The following PKNOX2 variants were observed in gnomAD, a reference collection of about 807,000 sequenced individuals.
PKNOX2 encodes the protein PBX/knotted 1 homeobox 2, also known as homeobox protein PKNOX2.
In PKNOX2, 14 loss-of-function variants were observed where a neutral mutation model predicts 53.1. The ratio of observed to expected loss-of-function variants is 0.26; its 90% confidence interval spans 0.17 to 0.41. The LOEUF (loss-of-function observed/expected upper bound fraction) is 0.41, where lower values mean the gene tolerates loss of function less well. Ranked by LOEUF, PKNOX2 falls within the 10% of genes least tolerant of loss-of-function variation. PKNOX2 has a pLI of 1.00. For missense variants in PKNOX2, 496 were observed against 602.8 expected, an observed-to-expected ratio of 0.82 and a Z score of 1.85; for synonymous variants, 257 against 242.8, an observed-to-expected ratio of 1.06 and a Z score of -0.54.
chr11:125,195,431 G>A (rs1957119451), intron 1 of PKNOX2, among the ~76,000 whole-genome samples: 1 of 152,164 alleles, frequency 6.6e-6, no homozygotes, highest in Admixed American at 6.5e-5. Flanking sequence ...GGGAGGCCTG[G>A]GAAGCAGGAG....
intron 1 of PKNOX2, among the ~76,000 whole-genome samples, chr11:125,178,284 G>T (rs11219949): frequency 0.23 from 35,499 of 151,630 alleles, 4,397 homozygotes; most frequent in Non-Finnish European, 0.28. Flanking sequence ...AGCCGAGGTA[G>T]GCAGATCATC....
chr11:125,219,239 G>T (rs1408754868), intron 1 of PKNOX2, among the ~76,000 whole-genome samples: 2 of 151,912 alleles, frequency 1.3e-5, no homozygotes, highest in African/African-American at 4.8e-5. Context: ...TTCCAGACCA[G>T]CCTGGCTAAC....
chr11:125,319,435 C>T (rs752064177), intron 2 of PKNOX2, among the ~76,000 whole-genome samples: 5 of 152,154 alleles, frequency 3.3e-5, no homozygotes, highest in African/African-American at 4.8e-5. Context: ...TTGCTCAATG[C>T]GGTGTTGCCA....
chr11:125,363,704 C>T (rs532674619), intron 4 of PKNOX2, among the ~76,000 whole-genome samples: 8 of 152,284 alleles, frequency 5.3e-5, no homozygotes, highest in Non-Finnish European at 1.0e-4. Flanking sequence ...AGTTCTGAGA[C>T]CAGCTGTGAA....
At chr11:125,222,545 A>G (rs1591486041) in intron 1 of PKNOX2, among the ~76,000 whole-genome samples, 1 of 151,542 alleles carries the variant, frequency 6.6e-6, no homozygotes, top group East Asian at 1.9e-4. Context: ...CATCTATACA[A>G]TGTGCATCTG....
At chr11:125,264,047 G>A (rs1945105211) in intron 2 of PKNOX2, among the ~76,000 whole-genome samples, 1 of 152,172 alleles carries the variant, frequency 6.6e-6, no homozygotes, top group Admixed American at 6.5e-5. Context: ...GGGTGGGAGA[G>A]GATCACCTTT....
At position 125,406,917 on chromosome 11, in the gene PKNOX2, T is replaced by TA. The variant is rs67687488; in HGVS notation, c.589-3250dup. ...CCCAGTGGCCCTGAGAATCTATGTC[T>TA]AAAAAAAAAAAAAAAAAAAAAAAAA... On this transcript the variant is annotated intron_variant, in intron 7 of 12. Coordinates refer to ENST00000298282, the MANE Select transcript of PKNOX2 (RefSeq NM_001382323.2). 2.0e-3 allele frequency among the ~76,000 whole-genome samples: 84 copies of TA among 41,760 alleles called. 6 individuals are homozygous for TA. Among genetic ancestry groups the TA allele is most frequent in the South Asian group, 4.5e-3 (3 of 670 alleles). The allele number at this position is 41,760 out of a possible 152,430, so 27.4% of individuals were successfully genotyped here. A position where few individuals can be genotyped will look rare whatever the true frequency, so the allele number is the denominator to read the frequency against.
At chr11:125,342,884 A>G (rs1171873470) in intron 3 of PKNOX2, among the ~76,000 whole-genome samples, 2 of 149,234 alleles carry the variant, frequency 1.3e-5, no homozygotes, top group African/African-American at 2.5e-5. Flanking sequence ...TTGCATGTTG[A>G]AAAAAAAAAG....
At chr11:125,195,615 T>C (rs767366395) in intron 1 of PKNOX2, among the ~76,000 whole-genome samples, 53 of 146,168 alleles carry the variant, frequency 3.6e-4, no homozygotes, top group Non-Finnish European at 6.1e-4. Context: ...CAGGGGGAAA[T>C]CTACACCCTG....
intron 2 of PKNOX2, among the ~76,000 whole-genome samples, chr11:125,250,083 A>C (rs1282075539): frequency 6.6e-6 from 1 of 150,978 alleles, no homozygotes; most frequent in African/African-American, 2.4e-5. Flanking sequence ...AAAAAAAAAA[A>C]AAAAAAAACA....
chr11:125,362,325 C>T (rs906166903), intron 4 of PKNOX2, among the ~76,000 whole-genome samples: 1 of 152,156 alleles, frequency 6.6e-6, no homozygotes, highest in Non-Finnish European at 1.5e-5. Context: ...TGATAACCTA[C>T]TGCACAGGAT....
intron 4 of PKNOX2, among the ~76,000 whole-genome samples, chr11:125,356,830 G>C (rs748696684): frequency 6.6e-6 from 1 of 152,236 alleles, no homozygotes; most frequent in Non-Finnish European, 1.5e-5. Flanking sequence ...AGGCAAAAGG[G>C]GGTGGCTGGG....
chr11:125,397,556 C>T (rs1220195766), intron 6 of PKNOX2, among the ~76,000 whole-genome samples: 1 of 152,174 alleles, frequency 6.6e-6, no homozygotes, highest in South Asian at 2.1e-4. Context: ...AATGACAGGC[C>T]GGGGGCTTGG....
intron 12 of PKNOX2, among the ~76,000 whole-genome samples, chr11:125,430,758 GA>G (rs34263921): frequency 7.4e-5 from 11 of 149,592 alleles, no homozygotes; most frequent in South Asian, 2.1e-4. Context: ...GTTATGATGG[GA>G]AAAAAAAAAA....
At chr11:125,430,518 GCT>G (rs1376739774) in intron 12 of PKNOX2, among the ~76,000 whole-genome samples, 1 of 152,136 alleles carries the variant, frequency 6.6e-6, no homozygotes, top group East Asian at 1.9e-4. Context: ...GCCAGGAAGA[GCT>G]CTGTTTTCCC....
rs141392192 is a variant in PKNOX2, at chr11:125,392,106, T to C, written c.400-5768T>C. 3.3e-4 allele frequency among the ~76,000 whole-genome samples: 51 copies of C among 152,342 alleles called. 1 individual carries two copies. Among genetic ancestry groups the C allele is most frequent in the African/African-American group, 1.2e-3 (49 of 41,586 alleles). On this transcript the variant is annotated intron_variant, in intron 6 of 12. Transcript: ENST00000298282. Reference sequence around the variant, plus strand: ...CGTAGAATAGCAGTAGAAAAGCCAATGGGATATCAGACATTATTAGAAGAG... The same window carrying C: ...CGTAGAATAGCAGTAGAAAAGCCAACGGGATATCAGACATTATTAGAAGAG...
At chr11:125,358,698 G>C (rs892254123) in intron 4 of PKNOX2, among the ~76,000 whole-genome samples, 1 of 152,160 alleles carries the variant, frequency 6.6e-6, no homozygotes, top group Non-Finnish European at 1.5e-5. Flanking sequence ...CTCTGATGCC[G>C]GCCCTTCCTC....
intron 2 of PKNOX2, among the ~76,000 whole-genome samples, chr11:125,299,485 G>A (rs1037514182): frequency 2.6e-5 from 4 of 152,124 alleles, no homozygotes; most frequent in Admixed American, 1.3e-4. Context: ...AGGGAAGGGC[G>A]GGGTGACAGA....
chr11:125,174,199 G>A (rs1414304462), intron 1 of PKNOX2, among the ~76,000 whole-genome samples: 5 of 152,162 alleles, frequency 3.3e-5, no homozygotes, highest in African/African-American at 1.2e-4. Flanking sequence ...TCAAGTGTAT[G>A]CCCCGGGCCC....
Sources: allele counts gnomAD v4.1 joint callset (sites outside exome capture counted in the v4.1 genomes callset), GRCh38; gene constraint gnomAD v4.1.1; transcripts MANE v1.5; gene names NCBI Gene and HGNC (gene_info 2026-07-23, HGNC 2026-07-21).